NIPBL: variants seen among roughly 807,000 people sequenced by gnomAD.
NIPBL encodes nipped-B-like protein.
In NIPBL, 19 loss-of-function variants were observed where a neutral mutation model predicts 321.8. That is an observed-to-expected ratio of 0.06 (90% confidence interval 0.04 to 0.09). NIPBL has a LOEUF of 0.09. NIPBL is among the 10% of genes least tolerant of loss of function. The probability of loss-of-function intolerance (pLI) is 1.00; values close to 1 mark genes in which losing one functional copy is unlikely to be tolerated. For synonymous variants in NIPBL, 1,106 were observed against 1,114.1 expected (o/e 0.99, Z 0.14); for missense variants, 2,210 against 3,327.0 (o/e 0.66, Z 8.26).
chr5:36,896,857 C>T (rs1204534330), intron 1 of NIPBL, among the ~76,000 whole-genome samples: 1 of 152,144 alleles, frequency 6.6e-6, no homozygotes, highest in African/African-American at 2.4e-5. Flanking sequence ...GCCTTAGCCT[C>T]CCAAAGTGCT....
chr5:36,989,056 T>C (rs1034751076), intron 10 of NIPBL, among the ~76,000 whole-genome samples: 11 of 152,210 alleles, frequency 7.2e-5, no homozygotes, highest in Non-Finnish European at 1.6e-4. Context: ...TGAATGGAGA[T>C]GATGTTGCCA....
chr5:36,906,624 G>A (rs1747661214), intron 1 of NIPBL, among the ~76,000 whole-genome samples: 1 of 152,104 alleles, frequency 6.6e-6, no homozygotes, highest in East Asian at 1.9e-4. Context: ...TGTGTAGACT[G>A]TCCTAACTAC....
Position 36,996,355 on chromosome 5 carries a change from A to G in NIPBL, c.3304+551A>G. ...ATGAAGAAATATTTAAAACCATACT[A>G]TCACTAAATTATGAATGGATTAGCC... is the stretch of plus-strand genomic sequence containing the variant. On this transcript the variant is annotated intron_variant, in intron 11 of 46. Transcript: ENST00000282516. The surrounding 1 kb of genome is among the most constrained non-coding windows in gnomAD (Gnocchi z 5.0). The G allele has an allele frequency of 2.2e-6, 1 of 454,168 alleles. No individual in the cohort carries two copies. Among genetic ancestry groups the G allele is most frequent in the African/African-American group, 2.0e-5 (1 of 50,062 alleles). The allele number at this position is 454,168 out of a possible 1,614,324, so 28.1% of individuals were successfully genotyped here. A position where few individuals can be genotyped will look rare whatever the true frequency, so the allele number is the denominator to read the frequency against.
intron 1 of NIPBL, chr5:36,885,664 T>G (rs1580142387): frequency 1.8e-6 from 1 of 561,242 alleles, no homozygotes. Context: ...TTCTGCAGAT[T>G]GACAATGCCT....
chr5:36,877,543 A>G (rs1425274281), intron 1 of NIPBL, among the ~76,000 whole-genome samples: 1 of 152,186 alleles, frequency 6.6e-6, no homozygotes, highest in Non-Finnish European at 1.5e-5. Flanking sequence ...GTGGAGCCGT[A>G]GCTAGTGGGG....
chr5:36,908,240 G>A (rs1442444313), intron 1 of NIPBL, among the ~76,000 whole-genome samples: 1 of 152,098 alleles, frequency 6.6e-6, no homozygotes, highest in Non-Finnish European at 1.5e-5. Context: ...TGAGATTACC[G>A]AGTGCTTTAG....
intron 1 of NIPBL, 23 bp downstream of exon 1, chr5:36,877,201 G>C (rs1333074364): frequency 4.9e-6 from 1 of 202,934 alleles, no homozygotes; most frequent in African/African-American, 2.3e-5. Flanking sequence ...TCTTTATTTC[G>C]GCGGCGGCGG....
chr5:36,962,268 C>G lies in NIPBL; in HGVS notation c.604C>G (p.Gln202Glu), dbSNP rs762487890. ...AAGTTACACAACACATCCACAGATG[C>G]AACAAGGTAAGAAAGTTGTTTGTAA... ...PSSYTTHPQM[Q>E]QASVSSPIVA... The change falls in exon 6 of 47, where the codon CAA becomes GAA. Residue 202 changes from glutamine to glutamate, a missense_variant. Coordinates refer to ENST00000282516, the MANE Select transcript of NIPBL (RefSeq NM_133433.4). 1.2e-5 allele frequency: 20 copies of G among 1,613,910 alleles called. No individual in the cohort carries two copies. Among genetic ancestry groups the G allele is most frequent in the Admixed American group, 3.3e-5 (2 of 59,980 alleles).
intron 1 of NIPBL, among the ~76,000 whole-genome samples, chr5:36,931,731 A>G (rs549489399): frequency 1.3e-5 from 2 of 149,006 alleles, no homozygotes; most frequent in African/African-American, 2.5e-5. Context: ...GACATTGTCA[A>G]TTTTGTTGAT....
At chr5:36,981,317 T>G (rs1744110106) in intron 9 of NIPBL, among the ~76,000 whole-genome samples, 1 of 151,648 alleles carries the variant, frequency 6.6e-6, no homozygotes, top group South Asian at 2.1e-4. Context: ...ATGTAGAATA[T>G]TTGTGGAATT....
At chr5:36,907,067 A>G (rs1747693553) in intron 1 of NIPBL, among the ~76,000 whole-genome samples, 1 of 152,178 alleles carries the variant, frequency 6.6e-6, no homozygotes, top group African/African-American at 2.4e-5. Context: ...TTCCGGGTGA[A>G]TATATAGCCA....
intron 1 of NIPBL, among the ~76,000 whole-genome samples, chr5:36,910,663 C>T (rs575918865): frequency 2.0e-4 from 30 of 152,222 alleles, no homozygotes; most frequent in African/African-American, 7.0e-4. Flanking sequence ...CCTCTTTACT[C>T]TATAATTTAT....
chr5:36,995,658 C>G lies in NIPBL; in HGVS notation c.3158C>G (p.Pro1053Arg). ...IDQSVLKELP[P>R]ELLAEIESTM... ...CAATCAGTGTTAAAAGAATTACCCC[C>G]TGAACTCCTGGCAGAAATTGAGTCC... is the stretch of plus-strand genomic sequence containing the variant. The change falls in exon 11 of 47, where the codon CCT (proline) becomes CGT (arginine). Residue 1053 changes from proline to arginine, a missense_variant. Physicochemically the swap from Pro to Arg is moderately radical, Grantham distance 103. Around this residue, in one of 14 missense-constraint regions of NIPBL, gnomAD observed 381 missense variants for 642.3 expected, o/e 0.59. Transcript: ENST00000282516. 6.2e-7 allele frequency: 1 copy of G among 1,613,324 alleles called. No individual in the cohort carries two copies. Among genetic ancestry groups the G allele is most frequent in the Non-Finnish European group, 8.5e-7 (1 of 1,179,532 alleles).
intron 11 of NIPBL, among the ~76,000 whole-genome samples, chr5:36,997,920 A>G (rs951000579): frequency 1.3e-5 from 2 of 152,194 alleles, no homozygotes; most frequent in East Asian, 1.9e-4. Context: ...GTTTAATCAA[A>G]TTGGTTTCTC....
chr5:37,029,224 G>A (rs561655474), intron 32 of NIPBL, among the ~76,000 whole-genome samples: 1 of 152,226 alleles, frequency 6.6e-6, no homozygotes, highest in East Asian at 1.9e-4. Context: ...ACCCTAAAAT[G>A]CCTTTTTGCA....
intron 6 of NIPBL, among the ~76,000 whole-genome samples, chr5:36,963,592 A>G (rs2149609522): frequency 6.6e-6 from 1 of 152,072 alleles, no homozygotes; most frequent in East Asian, 1.9e-4. Context: ...ATTTGAGCCC[A>G]GGAGCTCAAG....
At chr5:37,041,539 A>G (rs541764383) in intron 34 of NIPBL, among the ~76,000 whole-genome samples, 1 of 151,338 alleles carries the variant, frequency 6.6e-6, no homozygotes, top group Admixed American at 6.6e-5. Context: ...TACTGGGATT[A>G]CAGGCATGAG....
At chr5:36,959,689 C>A (rs1437918103) in intron 4 of NIPBL, among the ~76,000 whole-genome samples, 1 of 152,160 alleles carries the variant, frequency 6.6e-6, no homozygotes, top group East Asian at 1.9e-4. Flanking sequence ...GCTACTAATA[C>A]TACATTTTTG....
chr5:36,955,359 A>G, intron 2 of NIPBL, 113 bp from the exon 3 acceptor site: 2 of 916,292 alleles, frequency 2.2e-6, no homozygotes, highest in Non-Finnish European at 3.5e-6. Context: ...ATGCCTTTTA[A>G]TAATTTGTCA....
Sources: allele counts gnomAD v4.1 joint callset (sites outside exome capture counted in the v4.1 genomes callset), GRCh38; gene constraint gnomAD v4.1.1; regional missense constraint gnomAD v4.1.1; non-coding constraint Gnocchi (gnomAD v3.1); transcripts MANE v1.5; gene names NCBI Gene and HGNC (gene_info 2026-07-23, HGNC 2026-07-21).